ADGRE3: variants seen among roughly 807,000 people sequenced by gnomAD.
ADGRE3 encodes the protein EGF-like module receptor 3.
ADGRE3 carries 88 observed loss-of-function variants against 80.1 expected under a neutral mutation model. The observed-to-expected ratio is 1.10, with a 90% CI of 0.93 to 1.31. ADGRE3 has a LOEUF of 1.31. Ranked by LOEUF, ADGRE3 falls within the 40% of genes most tolerant of loss-of-function variation. The pLI, the probability that ADGRE3 is intolerant of heterozygous loss-of-function variation, is 0.00. For missense variants in ADGRE3, 715 were observed against 776.5 expected, an observed-to-expected ratio of 0.92 and a Z score of 0.94; for synonymous variants, 281 against 294.8, an observed-to-expected ratio of 0.95 and a Z score of 0.48.
chr19:14,650,097 T>A (rs1285058543), intron 7 of ADGRE3, among the ~76,000 whole-genome samples: 1 of 150,224 alleles, frequency 6.7e-6, no homozygotes, highest in Non-Finnish European at 1.5e-5. Flanking sequence ...CCCATCTCTC[T>A]CTTTCCATCC....
chr19:14,618,611 C>G (rs916363228), downstream of ADGRE3, among the ~76,000 whole-genome samples: 5 of 151,338 alleles, frequency 3.3e-5, no homozygotes, highest in Admixed American at 1.3e-4. Flanking sequence ...AATCCCAGCA[C>G]TCTGGGAGGC....
rs767112740 is a variant in ADGRE3 at position 14,630,171 on chromosome 19, G to T, written c.1680C>A (p.Ile560=). 1 of 1,611,466 alleles carries T rather than the reference G, an allele frequency of 6.2e-7. No homozygotes were observed. Among genetic ancestry groups the T allele is most frequent in the African/African-American group, 1.3e-5 (1 of 74,878 alleles). Residue 560 remains isoleucine, a synonymous_variant, in exon 14 of 16, where the codon ATC becomes ATA. Coordinates refer to ENST00000253673, the MANE Select transcript of ADGRE3 (RefSeq NM_032571.5). The part of the protein sequence containing the change: ...LAFKATAQLF[I]LGCTWCLGLL... ...AGCCCAGACACCATGTGCAGCCCAGGATGAAGAGCTGAGCTGTTGCTTTGA... is the reference window on the plus strand; with the variant it reads ...AGCCCAGACACCATGTGCAGCCCAGTATGAAGAGCTGAGCTGTTGCTTTGA...
At chr19:14,662,242 G>A (rs988666779) in intron 3 of ADGRE3, 124 bp from the exon 4 acceptor site, 1 of 907,040 alleles carries the variant, frequency 1.1e-6, no homozygotes, top group African/African-American at 1.7e-5. Context: ...AATCAGTTTA[G>A]GTAATGGTTA....
chr19:14,626,918 A>G (rs1314457594), intron 14 of ADGRE3, among the ~76,000 whole-genome samples: 1 of 152,162 alleles, frequency 6.6e-6, no homozygotes, highest in East Asian at 1.9e-4. Context: ...TGCCCTATGC[A>G]TGGGCCAGGC....
intron 15 of ADGRE3, among the ~76,000 whole-genome samples, chr19:14,620,388 A>ACATGAATATATGAATAGATATGTATATT (rs1970506374): frequency 2.1e-5 from 1 of 47,702 alleles, no homozygotes; most frequent in African/African-American, 7.5e-5. Context: ...ATTCATATAT[A>ACATGAATATATGAATAGATATGTATATT]CATGTATATA....
chr19:14,637,782 G>A (rs527336005), intron 11 of ADGRE3, among the ~76,000 whole-genome samples: 25 of 151,960 alleles, frequency 1.6e-4, no homozygotes, highest in African/African-American at 5.8e-4. Context: ...TCCCACGTTG[G>A]CCTCCCAAAT....
the ADGRE3 span, among the ~76,000 whole-genome samples, chr19:14,601,855 C>T: frequency 3.9e-5 from 6 of 151,988 alleles, no homozygotes; most frequent in African/African-American, 4.8e-5. Context: ...TGCAGTGGCG[C>T]GATCTCGGCT....
downstream of ADGRE3, among the ~76,000 whole-genome samples, chr19:14,617,373 TC>T (rs754222347): frequency 4.1e-5 from 5 of 121,902 alleles, no homozygotes; most frequent in South Asian, 2.8e-4. Context: ...TTTCTTTCTT[TC>T]TTCCTTTCTT....
chr19:14,636,004 T>TTCCTTCCTTCCTTC (rs796166536), intron 11 of ADGRE3, among the ~76,000 whole-genome samples: 1 of 74,322 alleles, frequency 1.3e-5, no homozygotes, highest in Admixed American at 1.3e-4. Context: ...TCTCTCTTTC[T>TTCCTTCCTTCCTTC]CTTTCTTTCT....
At chr19:14,669,036 T>G (rs866456640) in intron 1 of ADGRE3, among the ~76,000 whole-genome samples, 184 bp from the exon 2 acceptor site, 1 of 152,162 alleles carries the variant, frequency 6.6e-6, no homozygotes. Context: ...AGGACCACTG[T>G]TGGACCCAGC....
chr19:14,653,946 T>TTTTTG (rs1971676414), intron 6 of ADGRE3, among the ~76,000 whole-genome samples: 1 of 42,258 alleles, frequency 2.4e-5, no homozygotes, highest in African/African-American at 2.3e-4. Context: ...TGTGTGTGTG[T>TTTTTG]TTTTTTTTTT....
At chr19:14,624,876 G>A (rs1970692851) in intron 15 of ADGRE3, among the ~76,000 whole-genome samples, 1 of 152,032 alleles carries the variant, frequency 6.6e-6, no homozygotes, top group Non-Finnish European at 1.5e-5. Flanking sequence ...AACAATGAGA[G>A]CTCATGGACA....
At chr19:14,628,128 C>CAAACAAA (rs1183225327) in intron 14 of ADGRE3, among the ~76,000 whole-genome samples, 2 of 151,398 alleles carry the variant, frequency 1.3e-5, no homozygotes, top group South Asian at 4.2e-4. Flanking sequence ...AACTCTGTCT[C>CAAACAAA]AAACAAAAAA....
At chr19:14,614,728 T>C (rs1365711766), downstream of ADGRE3, among the ~76,000 whole-genome samples, 3 of 151,864 alleles carry the variant, frequency 2.0e-5, no homozygotes, top group Non-Finnish European at 2.9e-5. Flanking sequence ...AGGTACACCG[T>C]AATGCCCAGT....
At chr19:14,660,722 C>T (rs1568497283) in intron 4 of ADGRE3, among the ~76,000 whole-genome samples, 2 of 152,028 alleles carry the variant, frequency 1.3e-5, no homozygotes, top group Non-Finnish European at 2.9e-5. Flanking sequence ...TAGACTTTCC[C>T]ATCCATGTTT....
chr19:14,674,310 A>G (rs972137767), intron 1 of ADGRE3, among the ~76,000 whole-genome samples: 9 of 152,114 alleles, frequency 5.9e-5, no homozygotes, highest in African/African-American at 1.7e-4. Flanking sequence ...CAGCCAGGGC[A>G]ACATGGTGAA....
intron 1 of ADGRE3, among the ~76,000 whole-genome samples, chr19:14,671,676 G>T (rs921356230): frequency 6.6e-6 from 1 of 152,182 alleles, no homozygotes; most frequent in Non-Finnish European, 1.5e-5. Flanking sequence ...GGTCTGGTTT[G>T]TGATCAGTTA....
chr19:14,605,825 A>G, the ADGRE3 span, among the ~76,000 whole-genome samples: 2 of 152,070 alleles, frequency 1.3e-5, no homozygotes, highest in Non-Finnish European at 2.9e-5. Context: ...TGCAGCCTTG[A>G]ACTCCTGGGC....
At chr19:14,614,948 C>T (rs1236905808), downstream of ADGRE3, among the ~76,000 whole-genome samples, 1 of 149,020 alleles carries the variant, frequency 6.7e-6, no homozygotes, top group African/African-American at 2.5e-5. Flanking sequence ...TGCAGTGGTG[C>T]AATCACAGCT....
Sources: allele counts gnomAD v4.1 joint callset (sites outside exome capture counted in the v4.1 genomes callset), GRCh38; gene constraint gnomAD v4.1.1; transcripts MANE v1.5; gene names NCBI Gene and HGNC (gene_info 2026-07-23, HGNC 2026-07-21).